HERC2: variants seen among roughly 807,000 people sequenced by gnomAD.
HERC2 encodes the protein E3 ubiquitin-protein ligase HERC2.
A neutral mutation model predicts 537.7 loss-of-function variants in HERC2; 102 were observed. That is an observed-to-expected ratio of 0.19 (90% confidence interval 0.16 to 0.22). The LOEUF is 0.22. Ranked by LOEUF, HERC2 falls within the 10% of genes least tolerant of loss-of-function variation. The pLI, the probability that HERC2 is intolerant of heterozygous loss-of-function variation, is 1.00. For synonymous variants in HERC2, 2,224 were observed against 2,466.2 expected (o/e 0.90, Z 2.91); for missense variants, 4,236 against 6,198.2 (o/e 0.68, Z 10.63).
chr15:28,147,006 T>G (rs901537401), intron 70 of HERC2, among the ~76,000 whole-genome samples: 12 of 136,890 alleles, frequency 8.8e-5, no homozygotes, highest in Non-Finnish European at 1.4e-4. Context: ...CTCTGCATGC[T>G]CTGTTGGGAG....
At chr15:28,218,169 G>T (rs1900132734) in intron 38 of HERC2, among the ~76,000 whole-genome samples, 1 of 151,610 alleles carries the variant, frequency 6.6e-6, no homozygotes, top group African/African-American at 2.4e-5. Flanking sequence ...AGAATGCCAT[G>T]TGAAGATGAC....
intron 30 of HERC2, among the ~76,000 whole-genome samples, chr15:28,232,040 T>C (rs1901915428): frequency 6.6e-6 from 1 of 152,090 alleles, no homozygotes; most frequent in Admixed American, 6.5e-5. Flanking sequence ...ATCGCAGCAG[T>C]GTGACTGCTG....
At chr15:28,145,786 C>A (rs767261400) in intron 71 of HERC2, among the ~76,000 whole-genome samples, 13 of 152,218 alleles carry the variant, frequency 8.5e-5, no homozygotes, top group Non-Finnish European at 1.6e-4. Flanking sequence ...ACGGTCCTGA[C>A]CTGTCCCAGC....
rs1897918785 is a variant in HERC2 at position 28,201,615 on chromosome 15, A to T, written c.7618-61T>A. The T allele has an allele frequency of 2.9e-6, 3 of 1,017,666 alleles. No individual in the cohort carries two copies. The Admixed American group carries it at 5.4e-5, about 18-fold the overall frequency. 63.0% of individuals were successfully genotyped at this position (1,017,666 alleles called of 1,614,324 possible). On this transcript the variant is annotated intron_variant, in intron 47 of 92. Transcript: ENST00000261609. ...GAGAACATGATAAACCTACTCAAAA[A>T]GAAATAAGTCTGTGAAATCTATAAT...
chr15:28,284,919 G>GAAAAGAAAAAAAAAAAAAAAAAA (rs2076115010), intron 4 of HERC2, among the ~76,000 whole-genome samples: 1 of 32,526 alleles, frequency 3.1e-5, no homozygotes, highest in African/African-American at 8.4e-5. Flanking sequence ...CTCCGTCTCG[G>GAAAAGAAAAAAAAAAAAAAAAAA]AAAAAAAAAA....
chr15:28,201,609 T>C, intron 47 of HERC2, 55 bp from the exon 48 acceptor site: 1 of 1,075,354 alleles, frequency 9.3e-7, no homozygotes, highest in East Asian at 2.4e-5. Flanking sequence ...ATAAACCTAC[T>C]CAAAAAGAAA....
intron 78 of HERC2, among the ~76,000 whole-genome samples, chr15:28,136,858 C>G (rs75175732): frequency 1.4e-4 from 21 of 152,218 alleles, no homozygotes; most frequent in African/African-American, 5.1e-4. Context: ...AACAAACAAT[C>G]AGAATTAACC....
chr15:28,231,485 C>T (rs551920836), intron 30 of HERC2, among the ~76,000 whole-genome samples: 4 of 152,278 alleles, frequency 2.6e-5, no homozygotes, highest in South Asian at 2.1e-4. Flanking sequence ...GCACTGCCTG[C>T]GTATGTGACT....
In HERC2 at chr15:28,289,300, A is replaced by G. The variant is rs1364493542; in HGVS notation, c.322+3588T>C. On this transcript the variant is annotated intron_variant, in intron 4 of 92. Coordinates refer to ENST00000261609, the MANE Select transcript of HERC2 (RefSeq NM_004667.6). ...CAAACACCAAATCAGAAGAAAGGAGAGTAGTCAGACCAAGGTGACTTCACA... is the reference window on the plus strand; with the variant it reads ...CAAACACCAAATCAGAAGAAAGGAGGGTAGTCAGACCAAGGTGACTTCACA... Among the ~76,000 whole-genome samples the G allele has an allele frequency of 3.3e-5, 5 of 152,258 alleles. No individual in the cohort carries two copies. The East Asian group carries it at 7.7e-4, about 23-fold the overall frequency.
At chr15:28,273,112 T>G in intron 7 of HERC2, 108 bp from the exon 8 acceptor site, 1 of 782,008 alleles carries the variant, frequency 1.3e-6, no homozygotes, top group African/African-American at 1.7e-5. Context: ...GAAGGATGTA[T>G]TTTTAATATT....
chr15:28,246,157 C>A, intron 22 of HERC2, 91 bp from the exon 23 acceptor site: 1 of 773,576 alleles, frequency 1.3e-6, no homozygotes. Context: ...TGCTAAGTCA[C>A]AAAATAAGAA....
chr15:28,259,637 T>C (rs2140919525), intron 16 of HERC2, among the ~76,000 whole-genome samples: 1 of 152,002 alleles, frequency 6.6e-6, no homozygotes, highest in East Asian at 1.9e-4. Flanking sequence ...AACAACCTGT[T>C]AGCAAGTCAA....
At chr15:28,161,939 T>C (rs189018416) in intron 69 of HERC2, among the ~76,000 whole-genome samples, 2 of 152,272 alleles carry the variant, frequency 1.3e-5, no homozygotes, top group African/African-American at 4.8e-5. Context: ...CGGTTTACCA[T>C]CTAGGAAAAA....
chr15:28,293,468 G>A (rs1297985434), intron 3 of HERC2, among the ~76,000 whole-genome samples: 2 of 144,076 alleles, frequency 1.4e-5, no homozygotes, highest in Non-Finnish European at 3.0e-5. Context: ...ACTCCAGCCT[G>A]GGTGACAGAG....
chr15:28,190,526 T>C (rs1896762693), intron 55 of HERC2: 2 of 168,470 alleles, frequency 1.2e-5, no homozygotes, highest in African/African-American at 4.8e-5. Context: ...AGCTGCCTTA[T>C]TAACCAAAAA....
At chr15:28,307,974 C>T (rs1257520792) in intron 2 of HERC2, among the ~76,000 whole-genome samples, 1 of 152,100 alleles carries the variant, frequency 6.6e-6, no homozygotes, top group Non-Finnish European at 1.5e-5. Flanking sequence ...AATTTGAAGT[C>T]AGGTAATCTG....
In HERC2 at chr15:28,220,476, C is replaced by A. The variant is rs745320944; in HGVS notation, c.5821G>T (p.Asp1941Tyr). ...CCAGAGTCATCCTCTGTGTCCGAATCCTCTGCTGAGGGCTGTGCAGCAGCC... is the reference window on the plus strand; with the variant it reads ...CCAGAGTCATCCTCTGTGTCCGAATACTCTGCTGAGGGCTGTGCAGCAGCC... ...LPAAAQPSAE[D>Y]SDTEDDSEAE... Residue 1941 changes from aspartate (D) to tyrosine (Y), a missense_variant, in exon 37 of 93, where the codon GAT becomes TAT. Coordinates refer to ENST00000261609, the MANE Select transcript of HERC2 (RefSeq NM_004667.6). 1.9e-6 allele frequency: 3 copies of A among 1,606,192 alleles called. No homozygotes were observed. The highest frequency in any genetic ancestry group is 1.3e-5 in the African/African-American group (1 of 74,986).
intron 78 of HERC2, among the ~76,000 whole-genome samples, chr15:28,139,864 G>A (rs1891016567): frequency 1.3e-5 from 2 of 149,608 alleles, no homozygotes; most frequent in South Asian, 4.2e-4. Flanking sequence ...TTCAAGACCA[G>A]CCTGGCCAAT....
chr15:28,265,821 G>A lies in HERC2; in HGVS notation c.1752C>T (p.Gly584=), dbSNP rs958853598. 5.0e-6 allele frequency: 8 copies of A among 1,613,978 alleles called. No homozygotes were observed. The African/African-American group carries it at 1.1e-4, about 22-fold the overall frequency. ...ACTCATGCAGAGCAGACGTACCATGGCCCAGCCGGCCGTAGTTCCCGCGGC... is the reference window on the plus strand; with the variant it reads ...ACTCATGCAGAGCAGACGTACCATGACCCAGCCGGCCGTAGTTCCCGCGGC... ...TWGRGNYGRL[G]HGSSEDEAIP... The change falls in exon 13 of 93, where the codon GGC becomes GGT. Residue 584 remains glycine (G), a synonymous_variant. Transcript: ENST00000261609. The surrounding 1 kb of genome is among the most constrained non-coding windows in gnomAD (Gnocchi z 4.0).
Sources: allele counts gnomAD v4.1 joint callset (sites outside exome capture counted in the v4.1 genomes callset), GRCh38; gene constraint gnomAD v4.1.1; non-coding constraint Gnocchi (gnomAD v3.1); transcripts MANE v1.5; gene names NCBI Gene and HGNC (gene_info 2026-07-23, HGNC 2026-07-21).